The following LGSN variants were observed in gnomAD, a reference collection of about 807,000 sequenced individuals.
The protein encoded by LGSN is lengsin, lens protein with glutamine synthetase domain.
Under a neutral mutation model 19.5 loss-of-function variants are expected in LGSN, and 21 were observed. That is an observed-to-expected ratio of 1.07 (90% CI 0.76 to 1.55). The LOEUF (loss-of-function observed/expected upper bound fraction) is 1.55, where lower values mean the gene tolerates loss of function less well. Ranked by LOEUF, LGSN falls within the 40% of genes most tolerant of loss-of-function variation. The pLI is 0.00. For missense variants in LGSN, 673 were observed against 608.5 expected (o/e 1.11, Z -1.12); for synonymous variants, 257 against 215.6 (o/e 1.19, Z -1.68).
chr6:63,289,389 C>T (rs1434460021), intron 2 of LGSN, among the ~76,000 whole-genome samples: 1 of 152,080 alleles, frequency 6.6e-6, no homozygotes, highest in African/African-American at 2.4e-5. Flanking sequence ...TTATTTTCTT[C>T]AATAAATCAT....
the LGSN span, among the ~76,000 whole-genome samples, chr6:63,470,946 T>G: frequency 8.7e-6 from 1 of 114,640 alleles, no homozygotes; most frequent in Non-Finnish European, 2.0e-5. Flanking sequence ...TTTTTTTTTT[T>G]TTTTTTTTTT....
chr6:63,471,096 A>G, the LGSN span, among the ~76,000 whole-genome samples: 1 of 151,346 alleles, frequency 6.6e-6, no homozygotes, highest in Non-Finnish European at 1.5e-5. Context: ...GATTACAGGC[A>G]TGCGCCACCA....
intron 1 of LGSN, 104 bp from the exon 2 acceptor site, chr6:63,295,149 T>A: frequency 1.6e-5 from 16 of 1,023,300 alleles, no homozygotes; most frequent in Non-Finnish European, 2.2e-5. Flanking sequence ...TTAATGAGCA[T>A]AGAAGACTTT....
chr6:63,438,780 G>C, the LGSN span, among the ~76,000 whole-genome samples: 1 of 152,338 alleles, frequency 6.6e-6, no homozygotes, highest in South Asian at 2.1e-4. Context: ...TTCAACCCTT[G>C]TGGAATTCAG....
At position 63,301,251 on chromosome 6, in the gene LGSN, A is replaced by T. The variant is rs1582037992; in HGVS notation, c.31-6206T>A. 3.3e-5 allele frequency among the ~76,000 whole-genome samples: 5 copies of T among 152,320 alleles called. No individual in the cohort carries two copies. In the East Asian group the frequency reaches 9.6e-4, roughly 29 times the overall value. On this transcript the variant is annotated intron_variant, in intron 1 of 3. Transcript: ENST00000370657. The stretch of plus-strand genomic sequence containing the variant: ...GGTTGCAGTGAGCCAAGATTGCGCC[A>T]CTGCACTTCAGCCTGGGTGACAGAA...
the LGSN span, among the ~76,000 whole-genome samples, chr6:63,326,510 G>C: frequency 6.6e-6 from 1 of 152,210 alleles, no homozygotes; most frequent in South Asian, 2.1e-4. Context: ...GGTGGCGCTT[G>C]TTGAGGAGGC....
chr6:63,457,065 C>T, the LGSN span, among the ~76,000 whole-genome samples: 1 of 152,210 alleles, frequency 6.6e-6, no homozygotes, highest in African/African-American at 2.4e-5. Flanking sequence ...GCATTCCCCT[C>T]ATTCTCACCC....
upstream of LGSN, among the ~76,000 whole-genome samples, chr6:63,323,921 G>A (rs749901891): frequency 2.1e-4 from 32 of 151,506 alleles, no homozygotes; most frequent in Admixed American, 3.3e-4. Context: ...ACAGGCACCC[G>A]CCACCACACC....
At chr6:63,515,465 A>C in the LGSN span, among the ~76,000 whole-genome samples, 2 of 152,112 alleles carry the variant, frequency 1.3e-5, no homozygotes, top group Non-Finnish European at 2.9e-5. Context: ...TTCTGACCTC[A>C]GGAGACCTGC....
chr6:63,377,913 C>CA, the LGSN span, among the ~76,000 whole-genome samples: 980 of 54,172 alleles, frequency 0.018, 42 homozygotes, highest in African/African-American at 0.041. Context: ...GACTCCATCT[C>CA]AAAAAAAAAA....
At chr6:63,304,557 G>T (rs1175974912) in intron 1 of LGSN, among the ~76,000 whole-genome samples, 1 of 152,140 alleles carries the variant, frequency 6.6e-6, no homozygotes, top group African/African-American at 2.4e-5. Flanking sequence ...AGAGATTAAT[G>T]AACAGGCTGC....
chr6:63,312,040 A>T (rs74811117), intron 1 of LGSN, among the ~76,000 whole-genome samples: 2,458 of 152,304 alleles, frequency 0.016, 71 homozygotes, highest in African/African-American at 0.056. Context: ...CTCTAGGTCC[A>T]TTCATGTTTT....
the LGSN span, among the ~76,000 whole-genome samples, chr6:63,507,012 C>G: frequency 6.6e-6 from 1 of 152,068 alleles, no homozygotes; most frequent in Non-Finnish European, 1.5e-5. Context: ...TATGAGGATG[C>G]CTTACCCCGA....
the LGSN span, among the ~76,000 whole-genome samples, chr6:63,452,165 T>C: frequency 6.6e-6 from 1 of 152,098 alleles, no homozygotes; most frequent in Non-Finnish European, 1.5e-5. Flanking sequence ...AGAATTAGTA[T>C]TTTTTCTTTA....
chr6:63,366,052 C>T, the LGSN span, among the ~76,000 whole-genome samples: 4 of 152,148 alleles, frequency 2.6e-5, no homozygotes, highest in African/African-American at 4.8e-5. Context: ...CCTCTCTCAC[C>T]ACTCCTATTC....
At chr6:63,417,276 C>A in the LGSN span, among the ~76,000 whole-genome samples, 1 of 152,114 alleles carries the variant, frequency 6.6e-6, no homozygotes, top group East Asian at 1.9e-4. Flanking sequence ...ATTTTTCTAA[C>A]ATTCACAAAA....
At chr6:63,406,903 C>T in the LGSN span, among the ~76,000 whole-genome samples, 3 of 152,196 alleles carry the variant, frequency 2.0e-5, no homozygotes, top group African/African-American at 7.2e-5. Flanking sequence ...ACAAACACCT[C>T]TACGCAAATA....
At chr6:63,544,332 T>C in the LGSN span, among the ~76,000 whole-genome samples, 4 of 152,232 alleles carry the variant, frequency 2.6e-5, no homozygotes, top group Non-Finnish European at 5.9e-5. Context: ...CCTATGTATA[T>C]ACATTATTTC....
the LGSN span, among the ~76,000 whole-genome samples, chr6:63,553,680 TG>T: frequency 1.3e-5 from 2 of 152,138 alleles, no homozygotes; most frequent in African/African-American, 4.8e-5. Context: ...CTGATTAGGT[TG>T]GGGGAATTGG....
Sources: gnomAD v4.1 joint callset for allele counts (sites outside exome capture counted in the v4.1 genomes callset) on GRCh38, gnomAD v4.1.1 for gene constraint, MANE v1.5 for transcripts, NCBI Gene and HGNC (gene_info 2026-07-23, HGNC 2026-07-21) for gene names.